Variants in PRORP observed in about 807,000 individuals in gnomAD.
PRORP encodes mitochondrial ribonuclease P catalytic subunit.
PRORP carries 51 observed loss-of-function variants against 59.4 expected under a neutral mutation model. The ratio of observed to expected loss-of-function variants is 0.86; its 90% confidence interval spans 0.69 to 1.08. The LOEUF (loss-of-function observed/expected upper bound fraction) is 1.08. Ranked by LOEUF, PRORP falls within the 50% of genes least tolerant of loss-of-function variation. The pLI is 0.00. For missense variants in PRORP, 646 were observed against 690.3 expected, an observed-to-expected ratio of 0.94 and a Z score of 0.72; for synonymous variants, 231 against 245.6, an observed-to-expected ratio of 0.94 and a Z score of 0.55.
chr14:35,255,559 TC>T (rs1170377015), intron 5 of PRORP, among the ~76,000 whole-genome samples: 1 of 152,324 alleles, frequency 6.6e-6, no homozygotes, highest in East Asian at 1.9e-4. Flanking sequence ...TTTTATTTTA[TC>T]AAGAGATAGG....
At chr14:35,229,961 A>T (rs1361929864) in intron 5 of PRORP, among the ~76,000 whole-genome samples, 8 of 152,026 alleles carry the variant, frequency 5.3e-5, no homozygotes, top group Non-Finnish European at 2.9e-5. Flanking sequence ...AGTTGATTAC[A>T]TATATGATAG....
intron 5 of PRORP, among the ~76,000 whole-genome samples, chr14:35,200,576 G>A (rs1486459271): frequency 6.6e-6 from 1 of 151,704 alleles, no homozygotes; most frequent in Non-Finnish European, 1.5e-5. Flanking sequence ...TTTAAAATTA[G>A]TGTTATATTA....
intron 5 of PRORP, among the ~76,000 whole-genome samples, chr14:35,234,650 T>C (rs1307400766): frequency 6.7e-6 from 1 of 150,240 alleles, no homozygotes; most frequent in Non-Finnish European, 1.5e-5. Flanking sequence ...TCTCAAATCC[T>C]TTCTTTCCTC....
chr14:35,271,987 C>G (rs1329042841), intron 7 of PRORP, among the ~76,000 whole-genome samples: 2 of 151,542 alleles, frequency 1.3e-5, no homozygotes, highest in African/African-American at 4.9e-5. Flanking sequence ...GATTGTGCCA[C>G]TGCTATCCAG....
intron 5 of PRORP, among the ~76,000 whole-genome samples, chr14:35,216,157 TAG>T (rs146699268): frequency 0.016 from 1,068 of 68,160 alleles, 18 homozygotes; most frequent in African/African-American, 0.042. Flanking sequence ...ACATTTATAT[TAG>T]AGAGAGAGAA....
At chr14:35,134,838 T>A (rs2047333501) in intron 4 of PRORP, among the ~76,000 whole-genome samples, 1 of 152,160 alleles carries the variant, frequency 6.6e-6, no homozygotes. Flanking sequence ...TGAGCCCAGT[T>A]CACCACTAGG....
Position 35,216,970 on chromosome 14 carries a change from C to T in PRORP, c.1275+36193C>T, listed in dbSNP as rs956636224. On this transcript the variant is annotated intron_variant, in intron 5 of 7. Coordinates refer to ENST00000534898, the MANE Select transcript of PRORP (RefSeq NM_014672.4). ...TCTATGGAGAAATGTCCATTCAGAT[C>T]CTTTGCCTATTTTAAAATTGGATTG... 2.0e-5 allele frequency among the ~76,000 whole-genome samples: 3 copies of T among 152,042 alleles called. No homozygotes were observed. The South Asian group carries it at 6.2e-4, about 32-fold the overall frequency.
chr14:35,165,764 T>C (rs111769753), intron 4 of PRORP, among the ~76,000 whole-genome samples: 19,410 of 151,846 alleles, frequency 0.13, 1,338 homozygotes, highest in African/African-American at 0.17. Flanking sequence ...ACTGCAACCT[T>C]CGCCTCCTGG....
intron 2 of PRORP, among the ~76,000 whole-genome samples, chr14:35,126,333 C>T (rs554113662): frequency 6.6e-6 from 1 of 152,298 alleles, no homozygotes; most frequent in African/African-American, 2.4e-5. Context: ...TTATGACATT[C>T]TCAATTTAAT....
In PRORP at chr14:35,201,631, TTTTATTTA is replaced by T. The variant is rs762557804; in HGVS notation, c.1275+20875_1275+20882del. Among the ~76,000 whole-genome samples, 184 of 151,586 alleles carry T rather than the reference TTTTATTTA, an allele frequency of 1.2e-3. 1 individual carries two copies. The highest frequency in any genetic ancestry group is 6.8e-3 in the South Asian group (33 of 4,820). On this transcript the variant is annotated intron_variant, in intron 5 of 7. Coordinates refer to ENST00000534898, the MANE Select transcript of PRORP (RefSeq NM_014672.4). ...ACAAAATGCCTCATTGTATACAAAA[TTTTATTTA>T]TTTATTTATTTATTTATTTAGAGAC...
intron 5 of PRORP, among the ~76,000 whole-genome samples, chr14:35,199,186 T>G (rs2049083126): frequency 6.7e-6 from 1 of 149,240 alleles, no homozygotes; most frequent in South Asian, 2.1e-4. Flanking sequence ...AATACAAAAA[T>G]TAGCTGGACA....
intron 5 of PRORP, among the ~76,000 whole-genome samples, chr14:35,226,081 C>T (rs1440227733): frequency 6.6e-6 from 1 of 152,144 alleles, no homozygotes; most frequent in Non-Finnish European, 1.5e-5. Flanking sequence ...TAGATTCTAG[C>T]TTTCCTAGTC....
intron 5 of PRORP, among the ~76,000 whole-genome samples, chr14:35,251,180 C>T (rs374385470): frequency 5.9e-5 from 9 of 152,170 alleles, no homozygotes; most frequent in East Asian, 1.9e-4. Flanking sequence ...TCATCCAGGT[C>T]GCTGCAAATG....
At chr14:35,141,846 A>G (rs891519203) in intron 4 of PRORP, among the ~76,000 whole-genome samples, 1 of 140,894 alleles carries the variant, frequency 7.1e-6, no homozygotes, top group Non-Finnish European at 1.6e-5. Flanking sequence ...CCTCATGAGT[A>G]GCTGGGACTA....
At chr14:35,186,648 A>G (rs1006472249) in intron 5 of PRORP, among the ~76,000 whole-genome samples, 1 of 150,266 alleles carries the variant, frequency 6.7e-6, no homozygotes, top group Non-Finnish European at 1.5e-5. Flanking sequence ...GCTGGAGGGT[A>G]AGGGTGCAGT....
intron 5 of PRORP, among the ~76,000 whole-genome samples, chr14:35,202,481 A>G (rs1179883651): frequency 1.3e-5 from 2 of 151,816 alleles, no homozygotes; most frequent in Admixed American, 6.6e-5. Flanking sequence ...TGTATTTTTG[A>G]TTTTTGTTTT....
At chr14:35,161,981 G>A (rs983253696) in intron 4 of PRORP, among the ~76,000 whole-genome samples, 1 of 152,032 alleles carries the variant, frequency 6.6e-6, no homozygotes, top group African/African-American at 2.4e-5. Context: ...CCTTCATCTA[G>A]TTGATAGTGG....
rs771452002 is a variant in PRORP, at chr14:35,123,346, C to A, written c.101C>A (p.Ala34Glu). The change falls in exon 2 of 8, where the codon GCA (alanine) becomes GAA (glutamate). Residue 34 changes from alanine (A) to glutamate (E), a missense_variant. Physicochemically the swap from Ala to Glu is moderately radical, Grantham distance 107. Transcript: ENST00000534898. ...CACTCTTATGTCTCGCTGTTTCTGG[C>A]AGACCGCTGTGGCATCAGGAACCAG... is the stretch of plus-strand genomic sequence containing the variant. ...PGHSYVSLFL[A>E]DRCGIRNQQR... The A allele has an allele frequency of 7.4e-6, 12 of 1,613,916 alleles. No homozygotes were observed. Among genetic ancestry groups the A allele is most frequent in the Admixed American group, 1.7e-5 (1 of 60,006 alleles).
chr14:35,220,078 G>T (rs1332203945), intron 5 of PRORP, among the ~76,000 whole-genome samples: 1 of 152,134 alleles, frequency 6.6e-6, no homozygotes, highest in Non-Finnish European at 1.5e-5. Context: ...TAACTTGATT[G>T]TATTTGAAAA....
Sources: allele counts gnomAD v4.1 joint callset (sites outside exome capture counted in the v4.1 genomes callset), GRCh38; gene constraint gnomAD v4.1.1; transcripts MANE v1.5; gene names NCBI Gene and HGNC (gene_info 2026-07-23, HGNC 2026-07-21).